CAPZA3: variants seen among roughly 807,000 people sequenced by gnomAD.
CAPZA3 encodes F-actin-capping protein subunit alpha-3.
In CAPZA3, 22 loss-of-function variants were observed where a neutral mutation model predicts 23.6. The observed-to-expected ratio is 0.93, with a 90% CI of 0.67 to 1.33. CAPZA3 has a LOEUF of 1.33. Among genes scored for constraint, CAPZA3 ranks in the 40% most tolerant of loss-of-function variants. CAPZA3 has a pLI of 0.00. For missense variants in CAPZA3, 357 were observed against 345.9 expected, an observed-to-expected ratio of 1.03 and a Z score of -0.25; for synonymous variants, 142 against 126.5, an observed-to-expected ratio of 1.12 and a Z score of -0.82.
rs746431127 is a variant in CAPZA3 at position 18,738,418 on chromosome 12, T to A, written c.150T>A (p.Cys50Ter). The part of the protein sequence containing the change: ...DEKLMHHQGE[C>*]AGHQHCQKYS... ...AACTTATGCACCACCAAGGTGAGTG[T>A]GCAGGCCACCAACACTGCCAAAAAT... is the stretch of plus-strand genomic sequence containing the variant. The change falls in exon 1 of 1, where the codon TGT becomes TGA. Residue 50 changes from cysteine (C) to a stop codon, truncating the protein, a stop_gained. Transcript: ENST00000317658. LOFTEE classifies it high-confidence loss of function. 2 of 1,613,990 alleles carry A rather than the reference T, an allele frequency of 1.2e-6. No homozygotes were observed. Among genetic ancestry groups the A allele is most frequent in the Non-Finnish European group, 1.7e-6 (2 of 1,179,992 alleles).
rs377290206 is a variant in CAPZA3 at position 18,738,344 on chromosome 12, G to A, written c.76G>A (p.Glu26Lys). The change falls in exon 1 of 1, where the codon GAA (glutamate) becomes AAA (lysine). Residue 26 changes from glutamate to lysine, a missense_variant. Coordinates refer to ENST00000317658, the MANE Select transcript of CAPZA3 (RefSeq NM_033328.3). The stretch of plus-strand genomic sequence containing the variant: ...ACTGTTATTACAGGCCCCTCCAGGG[G>A]AATTTGTAAATGCCTTTGATGATCT... ...RRLLLQAPPG[E>K]FVNAFDDLCL... 1.4e-5 allele frequency: 23 copies of A among 1,613,972 alleles called. No individual in the cohort carries two copies. Among genetic ancestry groups the A allele is most frequent in the Non-Finnish European group, 1.9e-5 (23 of 1,179,978 alleles).
chr12:18,738,747 A>G lies in CAPZA3; in HGVS notation c.479A>G (p.Tyr160Cys), dbSNP rs774397273. 2.3e-5 allele frequency: 37 copies of G among 1,614,122 alleles called. No individual in the cohort carries two copies. In the South Asian group the frequency reaches 4.0e-4, roughly 17 times the overall value. ...YLIACIEDHNYETGECWNGLW... is the reference protein window; with the variant it reads ...YLIACIEDHNCETGECWNGLW... ...ATAGCTTGCATTGAAGATCACAACTATGAAACAGGAGAGTGCTGGAACGGA... is the reference window on the plus strand; with the variant it reads ...ATAGCTTGCATTGAAGATCACAACTGTGAAACAGGAGAGTGCTGGAACGGA... Residue 160 changes from tyrosine (Y) to cysteine (C), a missense_variant, in exon 1 of 1, where the codon TAT (tyrosine) becomes TGT (cysteine). Physicochemically the swap from Tyr to Cys is radical, Grantham distance 194 (BLOSUM62 -2). Coordinates refer to ENST00000317658, the MANE Select transcript of CAPZA3 (RefSeq NM_033328.3).
chr12:18,738,562 A>G lies in CAPZA3; in HGVS notation c.294A>G (p.Gln98=), dbSNP rs751382294. The change falls in exon 1 of 1, where the codon CAA becomes CAG. Residue 98 remains glutamine, a synonymous_variant. Transcript: ENST00000317658. ...TTTCTTTCAAATATGACCTGCTTCA[A>G]AATCAGCTGAAAGACATCCAAAGTC... ...SKLSFKYDLL[Q]NQLKDIQSHG... 2 of 1,614,148 alleles carry G rather than the reference A, an allele frequency of 1.2e-6. No homozygotes were observed. The highest frequency in any genetic ancestry group is 1.1e-5 in the South Asian group (1 of 91,092).
rs1432622910 is a variant in CAPZA3, at chr12:18,738,923, G to A, written c.655G>A (p.Ala219Thr). The A allele has an allele frequency of 6.2e-7, 1 of 1,613,814 alleles. No individual in the cohort carries two copies. The highest frequency in any genetic ancestry group is 8.5e-7 in the Non-Finnish European group (1 of 1,179,968). Residue 219 changes from alanine (A) to threonine (T), a missense_variant, in exon 1 of 1, where the codon GCT becomes ACT. Coordinates refer to ENST00000317658, the MANE Select transcript of CAPZA3 (RefSeq NM_033328.3). Reference protein sequence around the residue: ...LKESLEIVNQAQLALSFARLV... With the variant: ...LKESLEIVNQTQLALSFARLV... The stretch of plus-strand genomic sequence containing the variant: ...AGAAAGCTTGGAAATAGTTAACCAA[G>A]CTCAACTGGCTCTAAGTTTTGCAAG...
At position 18,738,654 on chromosome 12, in the gene CAPZA3, T is replaced by C; in HGVS notation, c.386T>C (p.Val129Ala). The change falls in exon 1 of 1, where the codon GTG becomes GCG. Residue 129 changes from valine to alanine, a missense_variant. Physicochemically the swap from Val to Ala is moderately conservative, Grantham distance 64. Transcript: ENST00000317658. ...CTTCTGTGCGCCTTAAAACTGTATGTGAATGACCACTATCCAAAAGGAAAT... is the reference window on the plus strand; with the variant it reads ...CTTCTGTGCGCCTTAAAACTGTATGCGAATGACCACTATCCAAAAGGAAAT... ...VVLLCALKLYVNDHYPKGNCN... is the reference protein window; with the variant it reads ...VVLLCALKLYANDHYPKGNCN... The C allele has an allele frequency of 1.9e-6, 3 of 1,614,072 alleles. No individual in the cohort carries two copies. The highest frequency in any genetic ancestry group is 1.7e-6 in the Non-Finnish European group (2 of 1,179,990).
chr12:18,739,140 G>A lies in CAPZA3; in HGVS notation c.872G>A (p.Arg291Lys). The change falls in exon 1 of 1, where the codon AGA becomes AAA. Residue 291 changes from arginine (R) to lysine (K), a missense_variant. By Grantham distance (26) the Arg-to-Lys change is conservative. Transcript: ENST00000317658. ...AAATTAGGATATGTCATTTATTCAAGAAGTGTGTTGTGCAACTGGATAATA... is the reference window on the plus strand; with the variant it reads ...AAATTAGGATATGTCATTTATTCAAAAAGTGTGTTGTGCAACTGGATAATA... ...YPKLGYVIYS[R>K]SVLCNWII is the part of the protein sequence containing the mutation. 1 of 1,610,750 alleles carries A rather than the reference G, an allele frequency of 6.2e-7. No homozygotes were observed. Among genetic ancestry groups the A allele is most frequent in the Non-Finnish European group, 8.5e-7 (1 of 1,177,932 alleles).
At position 18,738,994 on chromosome 12, in the gene CAPZA3, A is replaced by C. The variant is rs1959711560; in HGVS notation, c.726A>C (p.Glu242Asp). ...QENKFQAAVL[E>D]ELQELSNEAL... Reference sequence around the variant, plus strand: ...ACAAATTTCAAGCTGCAGTCTTGGAAGAATTACAGGAGTTATCCAATGAAG... The same window carrying C: ...ACAAATTTCAAGCTGCAGTCTTGGACGAATTACAGGAGTTATCCAATGAAG... Residue 242 changes from glutamate (E) to aspartate (D), a missense_variant, in exon 1 of 1, where the codon GAA becomes GAC. Transcript: ENST00000317658. The C allele has an allele frequency of 6.2e-7, 1 of 1,612,868 alleles. No individual in the cohort carries two copies. Among genetic ancestry groups the C allele is most frequent in the African/African-American group, 1.3e-5 (1 of 75,058 alleles).
At position 18,738,339 on chromosome 12, in the gene CAPZA3, C is replaced by T; in HGVS notation, c.71C>T (p.Pro24Leu). 1 of 1,614,008 alleles carries T rather than the reference C, an allele frequency of 6.2e-7. No homozygotes were observed. The highest frequency in any genetic ancestry group is 1.1e-5 in the South Asian group (1 of 91,078). Residue 24 changes from proline to leucine, a missense_variant, in exon 1 of 1, where the codon CCA becomes CTA. Pro to Leu is a moderately conservative substitution (Grantham distance 98). Coordinates refer to ENST00000317658, the MANE Select transcript of CAPZA3 (RefSeq NM_033328.3). ...CGCAGACTGTTATTACAGGCCCCTC[C>T]AGGGGAATTTGTAAATGCCTTTGAT... The part of the protein sequence containing the change: ...VIRRLLLQAP[P>L]GEFVNAFDDL...
Position 18,738,841 on chromosome 12 carries a change from G to T in CAPZA3, c.573G>T (p.Val191=), listed in dbSNP as rs143115929. ...CCCAAGTAACGGGAAGAATATTTGTGCAAGCTCACTTCTTCAGGTGTGTCA... is the reference window on the plus strand; with the variant it reads ...CCCAAGTAACGGGAAGAATATTTGTTCAAGCTCACTTCTTCAGGTGTGTCA... ...FLTQVTGRIF[V]QAHFFRCVNL... is the part of the protein sequence containing the mutation. The change falls in exon 1 of 1, where the codon GTG becomes GTT. Residue 191 remains valine (V), a synonymous_variant. Coordinates refer to ENST00000317658, the MANE Select transcript of CAPZA3 (RefSeq NM_033328.3). 2.7e-5 allele frequency: 43 copies of T among 1,613,892 alleles called. No homozygotes were observed. Among genetic ancestry groups the T allele is most frequent in the Middle Eastern group, 1.6e-4 (1 of 6,084 alleles).
Position 18,739,143 on chromosome 12 carries a change from G to A in CAPZA3, c.875G>A (p.Ser292Asn). ...PKLGYVIYSR[S>N]VLCNWII is the part of the protein sequence containing the mutation. ...TTAGGATATGTCATTTATTCAAGAA[G>A]TGTGTTGTGCAACTGGATAATATAA... The change falls in exon 1 of 1, where the codon AGT becomes AAT. Residue 292 changes from serine (S) to asparagine (N), a missense_variant. Ser to Asn is a conservative substitution (Grantham distance 46). Transcript: ENST00000317658. 6.2e-7 allele frequency: 1 copy of A among 1,610,614 alleles called. No individual in the cohort carries two copies. Among genetic ancestry groups the A allele is most frequent in the Admixed American group, 1.7e-5 (1 of 59,938 alleles).
Position 18,739,090 on chromosome 12 carries a change from T to A in CAPZA3, c.822T>A (p.Ser274=). The change falls in exon 1 of 1, where the codon TCT becomes TCA. Residue 274 remains serine, a synonymous_variant. Coordinates refer to ENST00000317658, the MANE Select transcript of CAPZA3 (RefSeq NM_033328.3). ...RTLIDWHRIL[S]DLNLVMYPKL... ...TTATTGACTGGCACAGGATACTCTC[T>A]GACTTGAATCTGGTGATGTATCCTA... is the stretch of plus-strand genomic sequence containing the variant. 2.5e-6 allele frequency: 4 copies of A among 1,612,848 alleles called. No homozygotes were observed. Among genetic ancestry groups the A allele is most frequent in the Non-Finnish European group, 3.4e-6 (4 of 1,179,674 alleles).
Position 18,738,855 on chromosome 12 carries a change from T to C in CAPZA3, c.587T>C (p.Phe196Ser). 2 of 1,614,058 alleles carry C rather than the reference T, an allele frequency of 1.2e-6. No individual in the cohort carries two copies. Among genetic ancestry groups the C allele is most frequent in the South Asian group, 1.1e-5 (1 of 91,084 alleles). Residue 196 changes from phenylalanine (F) to serine (S), a missense_variant, in exon 1 of 1, where the codon TTC (phenylalanine) becomes TCC (serine). Coordinates refer to ENST00000317658, the MANE Select transcript of CAPZA3 (RefSeq NM_033328.3). ...TGRIFVQAHF[F>S]RCVNLHIEIS... The stretch of plus-strand genomic sequence containing the variant: ...AGAATATTTGTGCAAGCTCACTTCT[T>C]CAGGTGTGTCAACCTTCATATTGAA...
rs374422807 is a variant in CAPZA3 at position 18,738,685 on chromosome 12, C to T, written c.417C>T (p.Asn139=). Residue 139 remains asparagine, a synonymous_variant, in exon 1 of 1, where the codon AAC becomes AAT. Transcript: ENST00000317658. The stretch of plus-strand genomic sequence containing the variant: ...ACCACTATCCAAAAGGAAATTGCAA[C>T]ATGCTGAGAAAAACTGTCAAAAGTA... ...VNDHYPKGNC[N]MLRKTVKSKE... The T allele has an allele frequency of 2.5e-6, 4 of 1,614,032 alleles. No homozygotes were observed. The highest frequency in any genetic ancestry group is 3.4e-6 in the Non-Finnish European group (4 of 1,179,978).
At position 18,739,122 on chromosome 12, in the gene CAPZA3, G is replaced by T; in HGVS notation, c.854G>T (p.Gly285Val). The change falls in exon 1 of 1, where the codon GGA becomes GTA. Residue 285 changes from glycine to valine, a missense_variant. Coordinates refer to ENST00000317658, the MANE Select transcript of CAPZA3 (RefSeq NM_033328.3). Reference sequence around the variant, plus strand: ...AATCTGGTGATGTATCCTAAATTAGGATATGTCATTTATTCAAGAAGTGTG... The same window carrying T: ...AATCTGGTGATGTATCCTAAATTAGTATATGTCATTTATTCAAGAAGTGTG... ...DLNLVMYPKLGYVIYSRSVLC... is the reference protein window; with the variant it reads ...DLNLVMYPKLVYVIYSRSVLC... 6.2e-7 allele frequency: 1 copy of T among 1,612,464 alleles called. No individual in the cohort carries two copies. The highest frequency in any genetic ancestry group is 8.5e-7 in the Non-Finnish European group (1 of 1,179,230).
rs1468297083 is a variant in CAPZA3, at chr12:18,738,257, T to G, written c.-12T>G. 3 of 1,584,832 alleles carry G rather than the reference T, an allele frequency of 1.9e-6. No individual in the cohort carries two copies. Among genetic ancestry groups the G allele is most frequent in the Non-Finnish European group, 2.6e-6 (3 of 1,166,564 alleles). ...CCTCATTTCAGAAGCTTTGCTTCTG[T>G]TGCAACCAAACATGACACTTAGCGT... is the stretch of plus-strand genomic sequence containing the variant. On this transcript the variant is annotated 5_prime_UTR_variant, in exon 1 of 1. Coordinates refer to ENST00000317658, the MANE Select transcript of CAPZA3 (RefSeq NM_033328.3).
rs1959644198 is a variant in CAPZA3 at position 18,738,229 on chromosome 12, ACT to A, written c.-38_-37del. The A allele has an allele frequency of 1.3e-6, 2 of 1,534,652 alleles. No homozygotes were observed. The highest frequency in any genetic ancestry group is 1.8e-6 in the Non-Finnish European group (2 of 1,136,864). ...TGGAATGTTTTCTTATCCTTTGAAC[ACT>A]CCTCATTTCAGAAGCTTTGCTTCTG... is the stretch of plus-strand genomic sequence containing the variant. On this transcript the variant is annotated 5_prime_UTR_variant, in exon 1 of 1. Transcript: ENST00000317658.
In CAPZA3 at chr12:18,738,404, C is replaced by A. The variant is rs1959660668; in HGVS notation, c.136C>A (p.His46Asn). The A allele has an allele frequency of 6.2e-7, 1 of 1,614,104 alleles. No individual in the cohort carries two copies. Among genetic ancestry groups the A allele is most frequent in the Non-Finnish European group, 8.5e-7 (1 of 1,179,984 alleles). The part of the protein sequence containing the change: ...LLIRDEKLMH[H>N]QGECAGHQHC... ...TATCCGTGATGAAAAACTTATGCAC[C>A]ACCAAGGTGAGTGTGCAGGCCACCA... Residue 46 changes from histidine to asparagine, a missense_variant, in exon 1 of 1, where the codon CAC (histidine) becomes AAC (asparagine). Transcript: ENST00000317658.
Position 18,738,544 on chromosome 12 carries a change from C to T in CAPZA3, c.276C>T (p.Phe92=). The change falls in exon 1 of 1, where the codon TTC becomes TTT. Residue 92 remains phenylalanine (F), a synonymous_variant. Transcript: ENST00000317658. ...TTGACCATCAAAGCAAACTTTCTTT[C>T]AAATATGACCTGCTTCAAAATCAGC... The part of the protein sequence containing the change: ...RFFDHQSKLS[F]KYDLLQNQLK... The T allele has an allele frequency of 1.9e-6, 3 of 1,614,072 alleles. No individual in the cohort carries two copies. The highest frequency in any genetic ancestry group is 2.5e-6 in the Non-Finnish European group (3 of 1,179,986).
rs1959686014 is a variant in CAPZA3, at chr12:18,738,694, A to G, written c.426A>G (p.Arg142=). The change falls in exon 1 of 1, where the codon AGA becomes AGG. Residue 142 remains arginine, a synonymous_variant. Transcript: ENST00000317658. ...HYPKGNCNML[R]KTVKSKEYLI... is the part of the protein sequence containing the mutation. Reference sequence around the variant, plus strand: ...CAAAAGGAAATTGCAACATGCTGAGAAAAACTGTCAAAAGTAAGGAGTACT... The same window carrying G: ...CAAAAGGAAATTGCAACATGCTGAGGAAAACTGTCAAAAGTAAGGAGTACT... The G allele has an allele frequency of 1.9e-6, 3 of 1,614,096 alleles. No homozygotes were observed. Among genetic ancestry groups the G allele is most frequent in the Admixed American group, 1.7e-5 (1 of 59,984 alleles).
Sources: allele counts gnomAD v4.1 joint callset, GRCh38; gene constraint gnomAD v4.1.1; transcripts MANE v1.5; gene names NCBI Gene and HGNC (gene_info 2026-07-23, HGNC 2026-07-21).